Variants in QSER1 observed in about 807,000 individuals in gnomAD.
QSER1 encodes the protein glutamine and serine rich 1.
Under a neutral mutation model 158.5 loss-of-function variants are expected in QSER1, and 49 were observed. That is an observed-to-expected ratio of 0.31 (90% CI 0.25 to 0.39). The LOEUF (loss-of-function observed/expected upper bound fraction) is 0.39, where lower values mean the gene tolerates loss of function less well. QSER1 is among the 10% of genes least tolerant of loss of function. The pLI is 1.00. For synonymous variants in QSER1, 650 were observed against 715.5 expected (o/e 0.91, Z 1.46); for missense variants, 1,754 against 2,010.3 (o/e 0.87, Z 2.44).
chr11:32,936,650 T>C (rs1852157127), intron 4 of QSER1, among the ~76,000 whole-genome samples: 1 of 152,212 alleles, frequency 6.6e-6, no homozygotes, highest in Admixed American at 6.5e-5. Context: ...AAATGAATTA[T>C]GTGGGCCCAT....
intron 1 of QSER1, among the ~76,000 whole-genome samples, chr11:32,902,684 G>A (rs978301154): frequency 6.6e-6 from 1 of 152,192 alleles, no homozygotes; most frequent in African/African-American, 2.4e-5. Context: ...GAATCTCAGA[G>A]ATTAAGGTCT....
At chr11:32,903,537 CTT>C (rs1046377210) in intron 1 of QSER1, among the ~76,000 whole-genome samples, 8 of 151,572 alleles carry the variant, frequency 5.3e-5, no homozygotes, top group African/African-American at 1.9e-4. Flanking sequence ...GAAGTGCTAA[CTT>C]TTGAAATGAG....
intron 1 of QSER1, among the ~76,000 whole-genome samples, chr11:32,922,120 G>GAAA (rs1564930552): frequency 6.6e-6 from 1 of 151,966 alleles, no homozygotes; most frequent in Non-Finnish European, 1.5e-5. Context: ...GCCCTAAATG[G>GAAA]AAAAGTTAAT....
chr11:32,959,189 C>A (rs1852578006), intron 8 of QSER1, among the ~76,000 whole-genome samples: 2 of 152,152 alleles, frequency 1.3e-5, no homozygotes, highest in Admixed American at 1.3e-4. Flanking sequence ...TGGAACACAG[C>A]CGCATAGATT....
intron 12 of QSER1, among the ~76,000 whole-genome samples, chr11:32,975,944 C>A (rs1275876963): frequency 6.6e-6 from 1 of 152,102 alleles, no homozygotes; most frequent in Non-Finnish European, 1.5e-5. Flanking sequence ...TATAAAGGGT[C>A]CAAGGCTATA....
In QSER1 at chr11:32,935,069, C is replaced by A; in HGVS notation, c.3811C>A (p.Gln1271Lys). The change falls in exon 4 of 13, where the codon CAA becomes AAA. Residue 1271 changes from glutamine (Q) to lysine (K), a missense_variant. By Grantham distance (53) the Gln-to-Lys change is moderately conservative. Around this residue, in one of 2 missense-constraint regions of QSER1, gnomAD observed 1,707 missense variants for 1,919.6 expected, o/e 0.89. Transcript: ENST00000650167. ...GAAGATCAAAGAGGTGGAGGAAAAA[C>A]AACCAGAAGTCAAAACAGGATTTAT... ...RQKIKEVEEK[Q>K]PEVKTGFIAS... 1.2e-6 allele frequency: 2 copies of A among 1,614,062 alleles called. No individual in the cohort carries two copies. Among genetic ancestry groups the A allele is most frequent in the Non-Finnish European group, 1.7e-6 (2 of 1,179,988 alleles).
At chr11:32,960,411 T>C (rs1852602491) in intron 8 of QSER1, among the ~76,000 whole-genome samples, 1 of 151,708 alleles carries the variant, frequency 6.6e-6, no homozygotes, top group African/African-American at 2.4e-5. Flanking sequence ...ACAAAAAAAT[T>C]AGCCAGGTGT....
At chr11:32,938,589 A>C (rs1416626920) in intron 4 of QSER1, among the ~76,000 whole-genome samples, 1 of 152,202 alleles carries the variant, frequency 6.6e-6, no homozygotes, top group Non-Finnish European at 1.5e-5. Context: ...AAATACTTGT[A>C]ATATTTTCTG....
At chr11:32,960,044 G>A (rs1852593727) in intron 8 of QSER1, among the ~76,000 whole-genome samples, 1 of 151,700 alleles carries the variant, frequency 6.6e-6, no homozygotes, top group African/African-American at 2.4e-5. Flanking sequence ...TGGGATTATA[G>A]GCATAAGCCA....
intron 5 of QSER1, among the ~76,000 whole-genome samples, chr11:32,954,845 T>C (rs926589395): frequency 5.3e-5 from 8 of 152,200 alleles, no homozygotes; most frequent in African/African-American, 1.9e-4. Context: ...ACAGCCACTT[T>C]TGCCTTTTTA....
chr11:32,949,549 A>T (rs1852388550), intron 4 of QSER1, among the ~76,000 whole-genome samples: 1 of 152,244 alleles, frequency 6.6e-6, no homozygotes, highest in African/African-American at 2.4e-5. Context: ...GTGAAAAGAT[A>T]GTATAATTTG....
intron 1 of QSER1, among the ~76,000 whole-genome samples, chr11:32,897,135 ACATT>A (rs1426643152): frequency 1.3e-5 from 2 of 152,250 alleles, no homozygotes; most frequent in African/African-American, 4.8e-5. Flanking sequence ...ATGAATACAT[ACATT>A]CATTTATCAA....
In QSER1 at chr11:32,980,004, C is replaced by CAAAT. The variant is rs762759929; in HGVS notation, c.*3531_*3534dup. On this transcript the variant is annotated 3_prime_UTR_variant, in exon 13 of 13. Transcript: ENST00000650167. Reference sequence around the variant, plus strand: ...CAGTCGCATTTGACGCATAACTGCACAAATGAACAGTGTATACTCTTGGTT... The same window carrying CAAAT: ...CAGTCGCATTTGACGCATAACTGCACAAATAAATGAACAGTGTATACTCTTGGTT... The CAAAT allele has an allele frequency of 4.6e-5, 7 of 152,552 alleles. No individual in the cohort carries two copies. The highest frequency in any genetic ancestry group is 7.3e-5 in the Non-Finnish European group (5 of 68,046). 9.4% of individuals were successfully genotyped at this position (152,552 alleles called of 1,614,324 possible).
chr11:32,933,821 C>T lies in QSER1; in HGVS notation c.2563C>T (p.Leu855Phe). The change falls in exon 4 of 13, where the codon CTT becomes TTT. Residue 855 changes from leucine (L) to phenylalanine (F), a missense_variant. By Grantham distance (22) the Leu-to-Phe change is conservative. This residue lies in a region of QSER1 where 1,707 missense variants were observed against 1,919.6 expected (regional missense o/e 0.89). Coordinates refer to ENST00000650167, the MANE Select transcript of QSER1 (RefSeq NM_001076786.3). ...GGCATCTCTTCCTAATACACAGGTC[C>T]TTTTAGATTCTGCCTGTGATTTACA... ...HQASLPNTQV[L>F]LDSACDLQIL... 6.2e-7 allele frequency: 1 copy of T among 1,613,608 alleles called. No homozygotes were observed. Among genetic ancestry groups the T allele is most frequent in the Non-Finnish European group, 8.5e-7 (1 of 1,179,858 alleles).
At chr11:32,923,984 A>G (rs1455268252) in intron 1 of QSER1, among the ~76,000 whole-genome samples, 2 of 152,168 alleles carry the variant, frequency 1.3e-5, no homozygotes, top group Admixed American at 6.5e-5. Flanking sequence ...AAAGCCCTAG[A>G]AAAGGTGAAT....
chr11:32,951,319 C>A (rs1236600410), intron 4 of QSER1, among the ~76,000 whole-genome samples: 2 of 152,146 alleles, frequency 1.3e-5, no homozygotes, highest in East Asian at 3.8e-4. Flanking sequence ...GTATCACAGT[C>A]TGTATTTCTA....
At position 32,955,370 on chromosome 11, in the gene QSER1, T is replaced by C. The variant is rs761165823; in HGVS notation, c.4575T>C (p.Pro1525=). The C allele has an allele frequency of 2.1e-5, 34 of 1,599,420 alleles. 1 individual carries two copies. In the South Asian group the frequency reaches 3.8e-4, roughly 18 times the overall value. Residue 1525 remains proline, a synonymous_variant, in exon 6 of 13, where the codon CCT becomes CCC. Transcript: ENST00000650167. The part of the protein sequence containing the change: ...VQKALLQKFV[P]EIRDGQREFA... ...AAGCTTTATTACAGAAATTTGTTCC[T>C]GAAATTCGAGATGGTCAAAGAGAAT...
chr11:32,923,172 C>G (rs569701458), intron 1 of QSER1, among the ~76,000 whole-genome samples: 1 of 152,280 alleles, frequency 6.6e-6, no homozygotes, highest in African/African-American at 2.4e-5. Context: ...AGAGGTGTTA[C>G]ACTAAGTGAA....
At position 32,978,432 on chromosome 11, in the gene QSER1, T is replaced by A. The variant is rs1312409290; in HGVS notation, c.*1958T>A. On this transcript the variant is annotated 3_prime_UTR_variant, in exon 13 of 13. Transcript: ENST00000650167. ...ATTTCCTAATGTGGCATTGTAAATA[T>A]ACATCTTTATATTACTCTTCCAGCC... 1 of 152,236 alleles carries A rather than the reference T, an allele frequency of 6.6e-6. No individual in the cohort carries two copies. Among genetic ancestry groups the A allele is most frequent in the African/African-American group, 2.4e-5 (1 of 41,476 alleles). 9.4% of individuals were successfully genotyped at this position (152,236 alleles called of 1,614,324 possible).
Sources: gnomAD v4.1 joint callset for allele counts (sites outside exome capture counted in the v4.1 genomes callset) on GRCh38, gnomAD v4.1.1 for gene constraint, gnomAD v4.1.1 regional missense constraint, MANE v1.5 for transcripts, NCBI Gene and HGNC (gene_info 2026-07-23, HGNC 2026-07-21) for gene names.